TRHDE: variants seen among roughly 807,000 people sequenced by gnomAD.
TRHDE encodes thyrotropin-releasing hormone-degrading ectoenzyme.
In TRHDE, 72 loss-of-function variants were observed where a neutral mutation model predicts 125.7. The ratio of observed to expected loss-of-function variants is 0.57; its 90% CI spans 0.47 to 0.70. TRHDE has a LOEUF of 0.70. TRHDE is among the 30% of genes least tolerant of loss of function. The probability of loss-of-function intolerance (pLI) is 0.00; values close to 1 mark genes in which losing one functional copy is unlikely to be tolerated. For synonymous variants in TRHDE, 509 were observed against 509.1 expected (o/e 1.00, Z 0.00); for missense variants, 1,110 against 1,327.1 (o/e 0.84, Z 2.54).
At chr12:72,347,951 G>A (rs140795066) in intron 2 of TRHDE, among the ~76,000 whole-genome samples, 3 of 152,046 alleles carry the variant, frequency 2.0e-5, no homozygotes, top group African/African-American at 7.2e-5. Flanking sequence ...GTAGGCAGGG[G>A]GACATCACTG....
At chr12:72,216,062 A>G (rs1471369991) in intron 2 of TRHDE, among the ~76,000 whole-genome samples, 4 of 152,156 alleles carry the variant, frequency 2.6e-5, no homozygotes, top group Admixed American at 2.6e-4. Context: ...CTTCATTTGT[A>G]AGATGTAGAT....
intron 2 of TRHDE, among the ~76,000 whole-genome samples, chr12:72,369,168 G>T (rs751322082): frequency 6.6e-6 from 1 of 152,118 alleles, no homozygotes; most frequent in Non-Finnish European, 1.5e-5. Flanking sequence ...AAATTACAGA[G>T]TAAAGGCTAC....
At chr12:72,229,269 A>T (rs908196238) in intron 2 of TRHDE, among the ~76,000 whole-genome samples, 14 of 152,216 alleles carry the variant, frequency 9.2e-5, no homozygotes. Context: ...CAGAAGATGA[A>T]GGAAGAGAAA....
chr12:72,597,659 C>T (rs1351778312), intron 12 of TRHDE, among the ~76,000 whole-genome samples: 2 of 107,934 alleles, frequency 1.9e-5, no homozygotes, highest in African/African-American at 8.5e-5. Context: ...CAGAGCAAGA[C>T]CTTGTCTAAA....
intron 12 of TRHDE, among the ~76,000 whole-genome samples, chr12:72,591,994 T>C (rs1417371396): frequency 6.6e-6 from 1 of 152,126 alleles, no homozygotes; most frequent in African/African-American, 2.4e-5. Flanking sequence ...GTATGGTATT[T>C]GTTTAGCATT....
chr12:72,140,367 A>C (rs1187227696), intron 2 of TRHDE: 1 of 152,502 alleles, frequency 6.6e-6, no homozygotes, highest in Non-Finnish European at 1.5e-5. Context: ...GAATCCATCT[A>C]AGACTTGGAA....
At chr12:72,150,968 C>T (rs974782980) in intron 2 of TRHDE, among the ~76,000 whole-genome samples, 38 of 152,206 alleles carry the variant, frequency 2.5e-4, no homozygotes, top group South Asian at 4.2e-4. Flanking sequence ...CCTGAGGAAT[C>T]GCCACACCGA....
intron 13 of TRHDE, among the ~76,000 whole-genome samples, chr12:72,619,585 T>C (rs1314234392): frequency 2.0e-5 from 3 of 152,148 alleles, no homozygotes; most frequent in African/African-American, 7.2e-5. Flanking sequence ...CATTCCAAAA[T>C]GTTACCTGAC....
At chr12:72,659,541 T>G (rs1316946505) in intron 18 of TRHDE, among the ~76,000 whole-genome samples, 1 of 152,196 alleles carries the variant, frequency 6.6e-6, no homozygotes, top group East Asian at 1.9e-4. Flanking sequence ...TCTATTCATT[T>G]ACATAGTTAT....
intron 6 of TRHDE, among the ~76,000 whole-genome samples, chr12:72,539,318 A>G (rs556443067): frequency 8.6e-5 from 13 of 151,998 alleles, no homozygotes; most frequent in African/African-American, 2.9e-4. Context: ...CTTATTCAAT[A>G]AGCATGCACT....
intron 2 of TRHDE, among the ~76,000 whole-genome samples, chr12:72,367,146 C>T (rs1442382767): frequency 2.6e-5 from 4 of 152,096 alleles, no homozygotes; most frequent in African/African-American, 9.7e-5. Context: ...AGTTCTTCGA[C>T]TATGGTGATG....
chr12:72,375,134 T>A (rs1871814923), intron 2 of TRHDE, among the ~76,000 whole-genome samples: 1 of 152,288 alleles, frequency 6.6e-6, no homozygotes, highest in African/African-American at 2.4e-5. Context: ...GTTCATCCTT[T>A]GAAATGGCAG....
At chr12:72,169,821 T>C (rs191180151) in intron 2 of TRHDE, among the ~76,000 whole-genome samples, 185 of 152,272 alleles carry the variant, frequency 1.2e-3, no homozygotes, top group Non-Finnish European at 2.0e-3. Flanking sequence ...AATATAGTCA[T>C]TCTTGGGGTT....
chr12:72,438,049 G>T (rs1279098520), intron 3 of TRHDE, among the ~76,000 whole-genome samples: 2 of 151,654 alleles, frequency 1.3e-5, no homozygotes, highest in Non-Finnish European at 1.5e-5. Context: ...GACTGACTGG[G>T]TTATTTCACT....
intron 2 of TRHDE, among the ~76,000 whole-genome samples, chr12:72,142,661 C>A (rs922822394): frequency 1.3e-5 from 2 of 152,140 alleles, no homozygotes; most frequent in Non-Finnish European, 2.9e-5. Flanking sequence ...ATGGCCCCTA[C>A]CCTGCACCCA....
intron 6 of TRHDE, among the ~76,000 whole-genome samples, chr12:72,529,206 T>C (rs1384323650): frequency 1.3e-5 from 2 of 152,140 alleles, no homozygotes; most frequent in Non-Finnish European, 2.9e-5. Context: ...AGATTAATTA[T>C]AAGGTGTTGC....
At chr12:72,304,568 A>G (rs1868311070) in intron 2 of TRHDE, among the ~76,000 whole-genome samples, 1 of 152,166 alleles carries the variant, frequency 6.6e-6, no homozygotes, top group South Asian at 2.1e-4. Flanking sequence ...TCAAGTAGAA[A>G]AAATACCTAG....
intron 1 of TRHDE, among the ~76,000 whole-genome samples, chr12:72,089,031 C>T (rs926879855): frequency 2.6e-5 from 4 of 152,108 alleles, no homozygotes; most frequent in Admixed American, 2.0e-4. Context: ...CTTGATCCTC[C>T]TTTTCAAACC....
chr12:72,562,038 TTATC>T (rs1281235432), intron 7 of TRHDE, 123 bp from the exon 8 acceptor site: 10 of 510,008 alleles, frequency 2.0e-5, no homozygotes, highest in Admixed American at 3.6e-5. Flanking sequence ...ATGAGATTAT[TTATC>T]TTTTTTATGT....
Sources: gnomAD v4.1 joint callset for allele counts (sites outside exome capture counted in the v4.1 genomes callset) on GRCh38, gnomAD v4.1.1 for gene constraint, MANE v1.5 for transcripts, NCBI Gene and HGNC (gene_info 2026-07-23, HGNC 2026-07-21) for gene names.